Variants in RIMKLB observed in about 807,000 individuals in gnomAD.
The protein encoded by RIMKLB is ribosomal modification protein rimK like family member B.
In RIMKLB, 7 loss-of-function variants were observed where a neutral mutation model predicts 32.0. The observed-to-expected ratio is 0.22, with a 90% CI of 0.12 to 0.41. RIMKLB has a LOEUF of 0.41. RIMKLB is among the 10% of genes least tolerant of loss of function. The probability of loss-of-function intolerance (pLI) is 1.00; values close to 1 mark genes in which losing one functional copy is unlikely to be tolerated. For missense variants in RIMKLB, 289 were observed against 498.7 expected, an observed-to-expected ratio of 0.58 and a Z score of 4.00; for synonymous variants, 172 against 185.1, an observed-to-expected ratio of 0.93 and a Z score of 0.57.
the RIMKLB span, among the ~76,000 whole-genome samples, chr12:8,672,296 A>T: frequency 6.6e-6 from 1 of 152,196 alleles, no homozygotes; most frequent in Admixed American, 6.5e-5. Flanking sequence ...CCTGTTACCC[A>T]GTTCCAAATT....
Position 8,730,279 on chromosome 12 carries a change from A to G in RIMKLB, c.175+16238A>G, listed in dbSNP as rs150691980. Among the ~76,000 whole-genome samples, 378 of 152,234 alleles carry G rather than the reference A, an allele frequency of 2.5e-3. 19 individuals carry two copies. The East Asian group carries it at 0.06, about 24-fold the overall frequency. On this transcript the variant is annotated intron_variant, in intron 2 of 5. Coordinates refer to ENST00000535829, the MANE Select transcript of RIMKLB (RefSeq NM_001297776.2). Reference sequence around the variant, plus strand: ...TATTTTATTTTATTTTTCAGTAGAGACAGGTCTTGCTGTCTTGCCCAAGCT... The same window carrying G: ...TATTTTATTTTATTTTTCAGTAGAGGCAGGTCTTGCTGTCTTGCCCAAGCT...
At chr12:8,670,439 A>C in the RIMKLB span, among the ~76,000 whole-genome samples, 2 of 152,232 alleles carry the variant, frequency 1.3e-5, no homozygotes, top group African/African-American at 2.4e-5. Flanking sequence ...GGGCCCATGC[A>C]AGTCCAAAAT....
At position 8,704,498 on chromosome 12, in the gene RIMKLB, ATTGTCT is replaced by A. The variant is rs373042441; in HGVS notation, c.-57+6206_-57+6211del. Among the ~76,000 whole-genome samples, 146 of 152,324 alleles carry A rather than the reference ATTGTCT, an allele frequency of 9.6e-4. 2 individuals are homozygous for A. In the East Asian group the frequency reaches 0.017, roughly 18 times the overall value. ...CATGACTTAACCTGTAGAAAGAGAA[ATTGTCT>A]TTGTAACAAATAGAATTGTTTAAAC... On this transcript the variant is annotated intron_variant, in intron 1 of 5. Transcript: ENST00000535829.
chr12:8,729,960 T>A (rs1946390149), intron 2 of RIMKLB, among the ~76,000 whole-genome samples: 1 of 152,254 alleles, frequency 6.6e-6, no homozygotes, highest in African/African-American at 2.4e-5. Context: ...TTCATGGACC[T>A]ATTGGCTATT....
intron 1 of RIMKLB, among the ~76,000 whole-genome samples, chr12:8,684,434 A>G (rs754324056): frequency 1.3e-5 from 2 of 152,182 alleles, no homozygotes; most frequent in Non-Finnish European, 1.5e-5. Context: ...CCGCCTCCCA[A>G]AGTGTTGGGA....
intron 1 of RIMKLB, among the ~76,000 whole-genome samples, chr12:8,689,807 A>C (rs948092230): frequency 3.9e-5 from 6 of 152,150 alleles, no homozygotes; most frequent in Admixed American, 3.9e-4. Flanking sequence ...AGGTAGGAGA[A>C]AATGGGGCTT....
At chr12:8,727,966 A>G (rs1436739062) in intron 2 of RIMKLB, among the ~76,000 whole-genome samples, 1 of 152,036 alleles carries the variant, frequency 6.6e-6, no homozygotes, top group East Asian at 1.9e-4. Flanking sequence ...CTATACATGC[A>G]TACATTCGTG....
At chr12:8,672,591 G>A in the RIMKLB span, among the ~76,000 whole-genome samples, 1 of 150,276 alleles carries the variant, frequency 6.7e-6, no homozygotes, top group African/African-American at 2.5e-5. Context: ...CACGAGAATA[G>A]CATGGGAAAG....
the RIMKLB span, among the ~76,000 whole-genome samples, chr12:8,672,485 G>C: frequency 1.3e-5 from 2 of 152,158 alleles, no homozygotes; most frequent in Non-Finnish European, 2.9e-5. Context: ...GAGGAGAAAG[G>C]CACTTCTTAC....
chr12:8,669,802 C>T, the RIMKLB span, among the ~76,000 whole-genome samples: 14 of 151,662 alleles, frequency 9.2e-5, no homozygotes, highest in Admixed American at 2.6e-4. Context: ...CCGAGGCGGG[C>T]GGATCACGAG....
At chr12:8,678,914 T>C (rs1446242017), upstream of RIMKLB, 1 of 152,236 alleles carries the variant, frequency 6.6e-6, no homozygotes, top group Non-Finnish European at 1.5e-5. Flanking sequence ...TGAAGATGAT[T>C]CAGTAGCCAG....
intron 2 of RIMKLB, among the ~76,000 whole-genome samples, chr12:8,714,879 C>T (rs1269709352): frequency 6.6e-6 from 1 of 152,078 alleles, no homozygotes; most frequent in Non-Finnish European, 1.5e-5. Context: ...TCACTTTCTT[C>T]CTTTGTGACT....
downstream of RIMKLB, among the ~76,000 whole-genome samples, chr12:8,781,934 T>TGTTTCTGGCAACCAAG (rs1193530566): frequency 5.3e-5 from 8 of 152,196 alleles, no homozygotes; most frequent in African/African-American, 1.9e-4. Flanking sequence ...TAGTATCTGT[T>TGTTTCTGGCAACCAAG]GTTTCTGGCA....
chr12:8,690,357 G>A (rs888441813), intron 1 of RIMKLB, among the ~76,000 whole-genome samples: 4 of 152,232 alleles, frequency 2.6e-5, no homozygotes, highest in African/African-American at 9.6e-5. Flanking sequence ...TATAATGTAT[G>A]TACCATTATT....
intron 5 of RIMKLB, among the ~76,000 whole-genome samples, chr12:8,767,679 T>G (rs1473907767): frequency 1.3e-5 from 2 of 152,158 alleles, no homozygotes; most frequent in Non-Finnish European, 2.9e-5. Context: ...GATGACAGCT[T>G]TCTGCTTCTA....
chr12:8,729,520 T>A (rs1040784060), intron 2 of RIMKLB, among the ~76,000 whole-genome samples: 1 of 152,084 alleles, frequency 6.6e-6, no homozygotes, highest in African/African-American at 2.4e-5. Flanking sequence ...GCCTGGGGTT[T>A]TTGTGGGCAC....
the RIMKLB span, among the ~76,000 whole-genome samples, chr12:8,672,619 C>A: frequency 6.6e-6 from 1 of 151,948 alleles, no homozygotes; most frequent in African/African-American, 2.4e-5. Context: ...CCCCATGATA[C>A]AATTACCTCC....
Position 8,735,402 on chromosome 12 carries a change from G to A in RIMKLB, c.176-14460G>A, listed in dbSNP as rs551995978. On this transcript the variant is annotated intron_variant, in intron 2 of 5. Coordinates refer to ENST00000535829, the MANE Select transcript of RIMKLB (RefSeq NM_001297776.2). ...ACACCACCATGCCCAGCTAATTTTT[G>A]TATTTTTAGTAGAGACGGGGCTTTG... is the stretch of plus-strand genomic sequence containing the variant. Among the ~76,000 whole-genome samples, 168 of 152,194 alleles carry A rather than the reference G, an allele frequency of 1.1e-3. 1 individual carries two copies. The highest frequency in any genetic ancestry group is 1.8e-3 in the Admixed American group (27 of 15,274).
Position 8,752,056 on chromosome 12 carries a change from T to TGTTGGTAAG in RIMKLB, c.493+16_493+24dup. 6.5e-7 allele frequency: 1 copy of TGTTGGTAAG among 1,527,086 alleles called. No homozygotes were observed. The highest frequency in any genetic ancestry group is 9.1e-7 in the Non-Finnish European group (1 of 1,101,726). 94.6% of individuals were successfully genotyped at this position (1,527,086 alleles called of 1,614,324 possible). ...CGGGGTCACAGAGGTATGTATGAGTTGTTGGTAAGGTATATAGTTTTGAAA... is the reference window on the plus strand; with the variant it reads ...CGGGGTCACAGAGGTATGTATGAGTTGTTGGTAAGGTTGGTAAGGTATATAGTTTTGAAA... On this transcript the variant is annotated intron_variant, in intron 4 of 5. Coordinates refer to ENST00000535829, the MANE Select transcript of RIMKLB (RefSeq NM_001297776.2).
Sources: gnomAD v4.1 joint callset for allele counts (sites outside exome capture counted in the v4.1 genomes callset) on GRCh38, gnomAD v4.1.1 for gene constraint, MANE v1.5 for transcripts, NCBI Gene and HGNC (gene_info 2026-07-23, HGNC 2026-07-21) for gene names.